The following WDR82 variants were observed in gnomAD, a reference collection of about 807,000 sequenced individuals.
WDR82 encodes WD repeat domain 82.
A neutral mutation model predicts 36.1 loss-of-function variants in WDR82; 8 were observed. The observed-to-expected ratio is 0.22, with a 90% CI of 0.13 to 0.40. The LOEUF (loss-of-function observed/expected upper bound fraction) is 0.40. WDR82 is among the 10% of genes least tolerant of loss of function. The probability of loss-of-function intolerance (pLI) is 1.00; values close to 1 mark genes in which losing one functional copy is unlikely to be tolerated. For synonymous variants in WDR82, 129 were observed against 137.8 expected, an observed-to-expected ratio of 0.94 and a Z score of 0.45; for missense variants, 185 against 400.5, an observed-to-expected ratio of 0.46 and a Z score of 4.59.
rs775948771 is a variant in WDR82, at chr3:52,270,770, G to A, written c.201C>T (p.Asp67=). The A allele has an allele frequency of 6.2e-7, 1 of 1,613,076 alleles. No homozygotes were observed. Among genetic ancestry groups the A allele is most frequent in the Non-Finnish European group, 8.5e-7 (1 of 1,179,590 alleles). Reference sequence around the variant, plus strand: ...TTGCTGCATGAGTGTATCTGATGAGGTCCACACCATATTTCTTACTGTACA... The same window carrying A: ...TTGCTGCATGAGTGTATCTGATGAGATCCACACCATATTTCTTACTGTACA... ...RTLYSKKYGV[D]LIRYTHAANT... The change falls in exon 2 of 9, where the codon GAC becomes GAT. Residue 67 remains aspartate, a synonymous_variant. Coordinates refer to ENST00000296490, the MANE Select transcript of WDR82 (RefSeq NM_025222.4).
intron 1 of WDR82, chr3:52,277,999 T>C (rs900927877): frequency 2.1e-5 from 9 of 425,826 alleles, no homozygotes; most frequent in Middle Eastern, 6.4e-4. Context: ...ATTATAAAAT[T>C]ATGACTATCG....
chr3:52,258,746 A>G, intron 7 of WDR82, 68 bp from the exon 8 acceptor site: 1 of 1,604,174 alleles, frequency 6.2e-7, no homozygotes, highest in Non-Finnish European at 8.5e-7. Context: ...GAAATGAGAC[A>G]TGGATTGAGA....
chr3:52,268,769 T>C (rs76033947), intron 2 of WDR82, among the ~76,000 whole-genome samples: 8,740 of 152,002 alleles, frequency 0.057, 360 homozygotes, highest in Non-Finnish European at 0.086. Context: ...CATTCTGCTC[T>C]GAGATAGGCA....
In WDR82 at chr3:52,258,619, A is replaced by G. The variant is rs766958095; in HGVS notation, c.829T>C (p.Leu277=). Residue 277 remains leucine (L), a synonymous_variant, in exon 8 of 9, where the codon TTG becomes CTG. Transcript: ENST00000296490. ...NGESGIKVAV[L]DGKHTGPITC... ...ATCGGGCCTGTGTGTTTACCATCCAACACAGCTACTTTTATACCGCTCTCT... is the reference window on the plus strand; with the variant it reads ...ATCGGGCCTGTGTGTTTACCATCCAGCACAGCTACTTTTATACCGCTCTCT... 6.2e-7 allele frequency: 1 copy of G among 1,614,224 alleles called. No homozygotes were observed.
At chr3:52,268,073 A>G (rs1201933568) in intron 2 of WDR82, 6 of 279,376 alleles carry the variant, frequency 2.1e-5, no homozygotes, top group Non-Finnish European at 3.7e-5. Context: ...TGTATATTCC[A>G]TAACTTGAAC....
intron 8 of WDR82, among the ~76,000 whole-genome samples, chr3:52,258,028 C>A (rs1003596391): frequency 6.6e-6 from 1 of 151,884 alleles, no homozygotes; most frequent in African/African-American, 2.4e-5. Context: ...TTTAGGAGAT[C>A]ACAAGGGAAA....
At chr3:52,274,596 A>G (rs1355347624) in intron 1 of WDR82, among the ~76,000 whole-genome samples, 1 of 151,752 alleles carries the variant, frequency 6.6e-6, no homozygotes, top group African/African-American at 2.4e-5. Context: ...ACAAAACAAA[A>G]CAAAACAAAA....
intron 3 of WDR82, 113 bp from the exon 4 acceptor site, chr3:52,261,592 G>A (rs571797738): frequency 3.8e-5 from 29 of 761,112 alleles, no homozygotes; most frequent in Non-Finnish European, 5.6e-5. Context: ...TCCCAAAATT[G>A]CCATTTTAAG....
intron 1 of WDR82, among the ~76,000 whole-genome samples, chr3:52,274,765 A>C (rs1700187317): frequency 1.3e-5 from 2 of 152,036 alleles, no homozygotes; most frequent in Admixed American, 6.6e-5. Context: ...TAGCAGGCAC[A>C]CTGATGGGTG....
At chr3:52,273,064 ACT>A (rs1700168672) in intron 1 of WDR82, among the ~76,000 whole-genome samples, 2 of 152,238 alleles carry the variant, frequency 1.3e-5, no homozygotes, top group South Asian at 4.1e-4. Flanking sequence ...CTGTATACTT[ACT>A]CTCTACATAG....
At chr3:52,264,102 G>A (rs1700085656) in intron 3 of WDR82, among the ~76,000 whole-genome samples, 1 of 152,194 alleles carries the variant, frequency 6.6e-6, no homozygotes, top group African/African-American at 2.4e-5. Context: ...GGTGGAGGTT[G>A]CAGTGAGCCA....
At chr3:52,265,169 G>A (rs1216495397) in intron 3 of WDR82, among the ~76,000 whole-genome samples, 7 of 151,516 alleles carry the variant, frequency 4.6e-5, no homozygotes, top group East Asian at 1.9e-4. Flanking sequence ...GCTTGGTGGC[G>A]GGTGCCTGTG....
rs773962564 is a variant in WDR82 at position 52,278,311 on chromosome 3, G to A, written c.51C>T (p.Phe17=). ...VLRSFRVAKV[F]RENSDKINCF... is the part of the protein sequence containing the mutation. ...AGTTAATCTTGTCCGAGTTTTCGCG[G>A]AACACCTTAGCGACGCGGAAGCTCC... The change falls in exon 1 of 9, where the codon TTC becomes TTT. Residue 17 remains phenylalanine (F), a synonymous_variant. Transcript: ENST00000296490. 2 of 1,609,026 alleles carry A rather than the reference G, an allele frequency of 1.2e-6. No homozygotes were observed. The highest frequency in any genetic ancestry group is 2.2e-5 in the South Asian group (2 of 90,604).
intron 1 of WDR82, among the ~76,000 whole-genome samples, chr3:52,275,435 A>T (rs1242625873): frequency 6.6e-6 from 1 of 152,118 alleles, no homozygotes; most frequent in Non-Finnish European, 1.5e-5. Context: ...TTCCCTCCTA[A>T]CTACCAGGCC....
At chr3:52,268,764 T>A (rs1277869105) in intron 2 of WDR82, among the ~76,000 whole-genome samples, 1 of 152,068 alleles carries the variant, frequency 6.6e-6, no homozygotes, top group Non-Finnish European at 1.5e-5. Flanking sequence ...CCGCCCATTC[T>A]GCTCTGAGAT....
chr3:52,265,814 A>C (rs1310864077), intron 3 of WDR82, among the ~76,000 whole-genome samples: 1 of 151,990 alleles, frequency 6.6e-6, no homozygotes, highest in East Asian at 1.9e-4. Context: ...GCACTCAAGC[A>C]ATCTGTCCTC....
At chr3:52,260,557 G>T in intron 4 of WDR82, 56 bp from the exon 5 acceptor site, 1 of 1,247,632 alleles carries the variant, frequency 8.0e-7, no homozygotes, top group Non-Finnish European at 1.1e-6. Flanking sequence ...ACCATACGTG[G>T]AATAACCAAA....
At position 52,257,293 on chromosome 3, in the gene WDR82, CAA is replaced by C. The variant is rs2107328677; in HGVS notation, c.*195_*196del. On this transcript the variant is annotated 3_prime_UTR_variant, in exon 9 of 9. Coordinates refer to ENST00000296490, the MANE Select transcript of WDR82 (RefSeq NM_025222.4). The stretch of plus-strand genomic sequence containing the variant: ...TGAGTTCCAATTGAGTCTGTTGCAC[CAA>C]GAGTCCTTTTGAAGACGCTCATCAA... 4.4e-6 allele frequency: 3 copies of C among 677,560 alleles called. No individual in the cohort carries two copies. Among genetic ancestry groups the C allele is most frequent in the East Asian group, 2.8e-5 (1 of 36,042 alleles). The allele number at this position is 677,560 out of a possible 1,614,324, so 42.0% of individuals were successfully genotyped here.
intron 1 of WDR82, among the ~76,000 whole-genome samples, chr3:52,277,747 G>C (rs1700218480): frequency 6.6e-6 from 1 of 152,238 alleles, no homozygotes; most frequent in Admixed American, 6.5e-5. Context: ...TGCCAGGGCG[G>C]AATCGAGGTC....
Sources: gnomAD v4.1 joint callset for allele counts (sites outside exome capture counted in the v4.1 genomes callset) on GRCh38, gnomAD v4.1.1 for gene constraint, MANE v1.5 for transcripts, NCBI Gene and HGNC (gene_info 2026-07-23, HGNC 2026-07-21) for gene names.